The following KCNH5 variants were observed in gnomAD, a reference collection of about 807,000 sequenced individuals.
KCNH5 encodes the protein potassium voltage-gated channel subfamily H member 5, also known as voltage-gated delayed rectifier potassium channel KCNH5.
KCNH5 carries 46 observed loss-of-function variants against 96.1 expected under a neutral mutation model. The ratio of observed to expected loss-of-function variants is 0.48; its 90% CI spans 0.38 to 0.61. KCNH5 has a LOEUF of 0.61. Among genes scored for constraint, KCNH5 ranks in the 20% least tolerant of loss-of-function variants. The pLI is 0.00. For missense variants in KCNH5, 907 were observed against 1,225.8 expected, an observed-to-expected ratio of 0.74 and a Z score of 3.88; for synonymous variants, 439 against 449.8, an observed-to-expected ratio of 0.98 and a Z score of 0.30.
chr14:62,857,748 C>T (rs1223254968), intron 7 of KCNH5, among the ~76,000 whole-genome samples: 1 of 152,094 alleles, frequency 6.6e-6, no homozygotes, highest in Non-Finnish European at 1.5e-5. Flanking sequence ...GTGGGTCTAC[C>T]CTTCCCAGTC....
Position 62,902,030 on chromosome 14 carries a change from G to C in KCNH5, c.1369+48103C>G, listed in dbSNP as rs569460458. ...CTGCTGTTATGTCTTCATTTAAGAA[G>C]TATCTGTTCATGTCCTTAGCCCATT... On this transcript the variant is annotated intron_variant, in intron 7 of 10. Transcript: ENST00000322893. 2.6e-5 allele frequency among the ~76,000 whole-genome samples: 4 copies of C among 152,202 alleles called. No homozygotes were observed. The South Asian group carries it at 8.3e-4, about 32-fold the overall frequency.
chr14:63,020,727 T>C (rs1231890353), intron 1 of KCNH5, among the ~76,000 whole-genome samples: 2 of 152,114 alleles, frequency 1.3e-5, no homozygotes, highest in African/African-American at 4.8e-5. Flanking sequence ...GTTACACAGG[T>C]GTATACAATT....
chr14:62,816,152 G>T (rs1017744805), intron 8 of KCNH5, among the ~76,000 whole-genome samples: 1 of 151,794 alleles, frequency 6.6e-6, no homozygotes, highest in South Asian at 2.1e-4. Context: ...ATCTTGAAAA[G>T]ATTGGGAAAT....
chr14:62,975,845 AT>A (rs1193174736), intron 6 of KCNH5, among the ~76,000 whole-genome samples: 2 of 152,198 alleles, frequency 1.3e-5, no homozygotes, highest in African/African-American at 2.4e-5. Flanking sequence ...ATCACAATCA[AT>A]GTAAACAGAT....
chr14:62,977,793 C>T (rs1890529489), intron 6 of KCNH5, among the ~76,000 whole-genome samples: 1 of 152,042 alleles, frequency 6.6e-6, no homozygotes, highest in Admixed American at 6.6e-5. Context: ...GGGTTATTTA[C>T]GCAAGAATTT....
chr14:62,947,942 G>A (rs1239753912), intron 7 of KCNH5, among the ~76,000 whole-genome samples: 2 of 151,808 alleles, frequency 1.3e-5, no homozygotes, highest in African/African-American at 4.8e-5. Context: ...TCGTCATCTA[G>A]CATTAGGTAT....
rs112935052 is a variant in KCNH5, at chr14:62,914,664, G to A, written c.1369+35469C>T. Among the ~76,000 whole-genome samples the A allele has an allele frequency of 1.2e-3, 182 of 152,282 alleles. 1 individual carries two copies. Among genetic ancestry groups the A allele is most frequent in the Non-Finnish European group, 2.1e-3 (141 of 68,016 alleles). On this transcript the variant is annotated intron_variant, in intron 7 of 10. Transcript: ENST00000322893. Reference sequence around the variant, plus strand: ...AGGTCCTTTGCCCCTTCCACCATGTGAGGACAAAACTAGAAGACACCATCT... The same window carrying A: ...AGGTCCTTTGCCCCTTCCACCATGTAAGGACAAAACTAGAAGACACCATCT...
chr14:62,899,603 G>A (rs1323498861), intron 7 of KCNH5, among the ~76,000 whole-genome samples: 3 of 151,828 alleles, frequency 2.0e-5, no homozygotes, highest in South Asian at 2.1e-4. Flanking sequence ...AGGCCGAGGC[G>A]GGCGGATCAC....
intron 4 of KCNH5, among the ~76,000 whole-genome samples, chr14:62,992,400 A>G (rs886217490): frequency 1.3e-5 from 2 of 152,194 alleles, no homozygotes; most frequent in South Asian, 4.1e-4. Context: ...AGAAATCTCC[A>G]TATTGTTTTC....
At chr14:62,762,893 C>G (rs1885783337) in intron 10 of KCNH5, among the ~76,000 whole-genome samples, 1 of 152,156 alleles carries the variant, frequency 6.6e-6, no homozygotes, top group Non-Finnish European at 1.5e-5. Context: ...ATTCATAGAA[C>G]AAGTTCTTAC....
At chr14:62,984,334 G>T (rs1332578867) in intron 5 of KCNH5, among the ~76,000 whole-genome samples, 6 of 152,152 alleles carry the variant, frequency 3.9e-5, no homozygotes, top group African/African-American at 1.4e-4. Context: ...AATCAGCAGG[G>T]TGTCAATGCA....
intron 7 of KCNH5, among the ~76,000 whole-genome samples, chr14:62,867,044 C>G (rs1192366674): frequency 6.6e-6 from 1 of 152,074 alleles, no homozygotes; most frequent in Non-Finnish European, 1.5e-5. Context: ...GGAGTGATGC[C>G]CCAAATGGGA....
intron 10 of KCNH5, among the ~76,000 whole-genome samples, chr14:62,760,094 G>T (rs1885715086): frequency 6.6e-6 from 1 of 152,148 alleles, no homozygotes; most frequent in African/African-American, 2.4e-5. Flanking sequence ...GCAAATCCAG[G>T]AGGCTGGATC....
chr14:62,854,528 A>C (rs1484279303), intron 7 of KCNH5, among the ~76,000 whole-genome samples: 1 of 152,130 alleles, frequency 6.6e-6, no homozygotes, highest in African/African-American at 2.4e-5. Flanking sequence ...CATTCATTGA[A>C]CATGAATTCC....
chr14:62,814,949 A>G (rs1259996410), intron 8 of KCNH5, among the ~76,000 whole-genome samples: 2 of 152,120 alleles, frequency 1.3e-5, no homozygotes, highest in Non-Finnish European at 2.9e-5. Flanking sequence ...ATGTCTGTAT[A>G]TATGCAGCGA....
chr14:62,786,886 T>G (rs561296907), intron 9 of KCNH5, among the ~76,000 whole-genome samples: 2 of 152,282 alleles, frequency 1.3e-5, no homozygotes, highest in African/African-American at 4.8e-5. Context: ...AAATATTGTG[T>G]GTGTTTTAAC....
intron 7 of KCNH5, among the ~76,000 whole-genome samples, chr14:62,932,412 C>T (rs1293248201): frequency 6.8e-6 from 1 of 147,748 alleles, no homozygotes; most frequent in Non-Finnish European, 1.5e-5. Flanking sequence ...AATTGGAATA[C>T]ACGAAAACTT....
At chr14:63,015,656 G>T (rs967983989) in intron 2 of KCNH5, among the ~76,000 whole-genome samples, 2 of 151,896 alleles carry the variant, frequency 1.3e-5, no homozygotes, top group Non-Finnish European at 2.9e-5. Context: ...ATACACAGGG[G>T]ATTGGTTCCA....
intron 7 of KCNH5, among the ~76,000 whole-genome samples, chr14:62,909,085 G>A (rs530623728): frequency 6.0e-5 from 7 of 116,506 alleles, no homozygotes; most frequent in East Asian, 4.7e-4. Context: ...TCGCTCTGTC[G>A]CCCAGGCTGG....
Sources: gnomAD v4.1 joint callset for allele counts (sites outside exome capture counted in the v4.1 genomes callset) on GRCh38, gnomAD v4.1.1 for gene constraint, MANE v1.5 for transcripts, NCBI Gene and HGNC (gene_info 2026-07-23, HGNC 2026-07-21) for gene names.